The following DCC variants were observed in gnomAD, a reference collection of about 807,000 sequenced individuals.
DCC encodes DCC netrin 1 receptor, also known as netrin receptor DCC.
A neutral mutation model predicts 172.5 loss-of-function variants in DCC; 58 were observed. The ratio of observed to expected loss-of-function variants is 0.34; its 90% CI spans 0.27 to 0.42. The LOEUF (loss-of-function observed/expected upper bound fraction) is 0.42. Among genes scored for constraint, DCC ranks in the 10% least tolerant of loss-of-function variants. The probability of loss-of-function intolerance (pLI) is 1.00; values close to 1 mark genes in which losing one functional copy is unlikely to be tolerated. For synonymous variants in DCC, 709 were observed against 644.5 expected (o/e 1.10, Z -1.52); for missense variants, 1,740 against 1,791.0 (o/e 0.97, Z 0.51).
chr18:53,338,919 G>C (rs1289168129), intron 14 of DCC, among the ~76,000 whole-genome samples: 1 of 152,130 alleles, frequency 6.6e-6, no homozygotes, highest in East Asian at 1.9e-4. Flanking sequence ...GAGGATAAAT[G>C]ATATCTCAAA....
chr18:53,194,409 A>G (rs903973979), intron 9 of DCC, among the ~76,000 whole-genome samples: 10 of 151,670 alleles, frequency 6.6e-5, no homozygotes, highest in Admixed American at 3.9e-4. Flanking sequence ...TGGCTTTTCT[A>G]TCAGGGACTC....
At chr18:53,340,409 A>G (rs1267410563) in intron 15 of DCC, among the ~76,000 whole-genome samples, 2 of 152,186 alleles carry the variant, frequency 1.3e-5, no homozygotes, top group African/African-American at 2.4e-5. Context: ...AGGCTGTGTC[A>G]TTATGACTGC....
chr18:52,952,651 G>A (rs940652217), intron 5 of DCC, among the ~76,000 whole-genome samples: 17 of 152,018 alleles, frequency 1.1e-4, no homozygotes, highest in African/African-American at 4.1e-4. Flanking sequence ...CATAAACAGA[G>A]CTAATTTACT....
intron 7 of DCC, among the ~76,000 whole-genome samples, chr18:53,119,773 A>C (rs2043457545): frequency 6.6e-6 from 1 of 151,780 alleles, no homozygotes; most frequent in Non-Finnish European, 1.5e-5. Context: ...ATTGAACAGT[A>C]AGGTTGCATC....
At chr18:52,341,212 C>T (rs1983620342) in intron 1 of DCC, among the ~76,000 whole-genome samples, 1 of 152,028 alleles carries the variant, frequency 6.6e-6, no homozygotes, top group Non-Finnish European at 1.5e-5. Flanking sequence ...TGGGCTGGGT[C>T]CTTAAAGCCC....
At chr18:53,331,370 G>A (rs541272245) in intron 14 of DCC, among the ~76,000 whole-genome samples, 2 of 152,280 alleles carry the variant, frequency 1.3e-5, no homozygotes, top group Non-Finnish European at 2.9e-5. Flanking sequence ...TAAGGTTTAC[G>A]GTTTGAATGG....
intron 1 of DCC, among the ~76,000 whole-genome samples, chr18:52,388,838 C>G (rs1985920490): frequency 6.6e-6 from 1 of 152,112 alleles, no homozygotes; most frequent in South Asian, 2.1e-4. Flanking sequence ...ATATGATCCA[C>G]ATGGACGTAT....
intron 1 of DCC, among the ~76,000 whole-genome samples, chr18:52,640,576 G>T (rs1294714174): frequency 6.6e-6 from 1 of 151,604 alleles, no homozygotes; most frequent in African/African-American, 2.4e-5. Context: ...GCAACCAAGT[G>T]GAGAATCAAA....
intron 15 of DCC, among the ~76,000 whole-genome samples, chr18:53,372,046 C>G (rs979179751): frequency 2.0e-5 from 3 of 152,036 alleles, no homozygotes; most frequent in Non-Finnish European, 4.4e-5. Flanking sequence ...TTGTGGAAAG[C>G]AATGTGACAG....
intron 3 of DCC, among the ~76,000 whole-genome samples, chr18:52,908,317 A>C (rs1026706111): frequency 1.3e-5 from 2 of 152,212 alleles, no homozygotes; most frequent in Non-Finnish European, 2.9e-5. Context: ...TGTATCAATA[A>C]CCATTGGTAA....
At chr18:52,793,777 G>A (rs185682309) in intron 2 of DCC, among the ~76,000 whole-genome samples, 2 of 152,208 alleles carry the variant, frequency 1.3e-5, no homozygotes, top group African/African-American at 2.4e-5. Flanking sequence ...TGAGTCTTAT[G>A]TTTAACTCTT....
At chr18:52,467,051 A>AT (rs957042019) in intron 1 of DCC, among the ~76,000 whole-genome samples, 28 of 146,960 alleles carry the variant, frequency 1.9e-4, no homozygotes, top group African/African-American at 5.5e-4. Context: ...TTTTAAAAAA[A>AT]AAATATATAT....
intron 8 of DCC, among the ~76,000 whole-genome samples, chr18:53,163,821 A>C (rs1245410139): frequency 6.6e-6 from 1 of 152,200 alleles, no homozygotes; most frequent in Non-Finnish European, 1.5e-5. Flanking sequence ...ACTTCCTGCT[A>C]CCTAAACATT....
At chr18:53,499,631 C>A (rs1003071673) in intron 27 of DCC, 121 bp downstream of exon 27, 10 of 846,628 alleles carry the variant, frequency 1.2e-5, no homozygotes, top group Admixed American at 1.9e-5. Context: ...ATTACATGCC[C>A]AGTGTGCTCA....
chr18:53,263,262 C>G (rs1233379091), intron 12 of DCC, among the ~76,000 whole-genome samples: 3 of 152,084 alleles, frequency 2.0e-5, no homozygotes, highest in Non-Finnish European at 4.4e-5. Context: ...AGCGATTCTC[C>G]TGCCTCAGCC....
rs565475951 is a variant in DCC at position 53,498,051 on chromosome 18, G to C, written c.3899-1247G>C. 2.0e-5 allele frequency among the ~76,000 whole-genome samples: 3 copies of C among 152,290 alleles called. No individual in the cohort carries two copies. The East Asian group carries it at 5.8e-4, about 29-fold the overall frequency. ...ATCTCTGAATGGGATAAGCCTGGAGGCTGCTCAATGACCCAGAAGACCTCT... is the reference window on the plus strand; with the variant it reads ...ATCTCTGAATGGGATAAGCCTGGAGCCTGCTCAATGACCCAGAAGACCTCT... On this transcript the variant is annotated intron_variant, in intron 26 of 28. Transcript: ENST00000442544.
intron 26 of DCC, among the ~76,000 whole-genome samples, chr18:53,492,032 C>T (rs535105918): frequency 8.5e-5 from 13 of 152,080 alleles, no homozygotes; most frequent in South Asian, 2.1e-4. Context: ...TATCTCATTG[C>T]GGTTTTGATT....
At chr18:53,202,579 G>A (rs1568362473) in intron 9 of DCC, among the ~76,000 whole-genome samples, 1 of 152,132 alleles carries the variant, frequency 6.6e-6, no homozygotes. Context: ...CTAAATCTAT[G>A]GGAAATGTTG....
chr18:53,366,145 C>T (rs1042112024), intron 15 of DCC, among the ~76,000 whole-genome samples: 1 of 152,110 alleles, frequency 6.6e-6, no homozygotes, highest in African/African-American at 2.4e-5. Flanking sequence ...CAATCTCCGC[C>T]TCCTGGGTTC....
Sources: gnomAD v4.1 joint callset for allele counts (sites outside exome capture counted in the v4.1 genomes callset) on GRCh38, gnomAD v4.1.1 for gene constraint, MANE v1.5 for transcripts, NCBI Gene and HGNC (gene_info 2026-07-23, HGNC 2026-07-21) for gene names.